The following GAS7 variants were observed in gnomAD, a reference collection of about 807,000 sequenced individuals.
The protein encoded by GAS7 is growth arrest-specific protein 7.
In GAS7, 28 loss-of-function variants were observed where a neutral mutation model predicts 71.1. The ratio of observed to expected loss-of-function variants is 0.39; its 90% CI spans 0.29 to 0.54. GAS7 has a LOEUF of 0.54. Ranked by LOEUF, GAS7 falls within the 20% of genes least tolerant of loss-of-function variation. The pLI is 0.62. For synonymous variants in GAS7, 258 were observed against 245.8 expected, an observed-to-expected ratio of 1.05 and a Z score of -0.46; for missense variants, 436 against 627.8, an observed-to-expected ratio of 0.69 and a Z score of 3.27.
At chr17:9,973,335 C>T (rs1381381199) in intron 3 of GAS7, among the ~76,000 whole-genome samples, 1 of 151,652 alleles carries the variant, frequency 6.6e-6, no homozygotes, top group Non-Finnish European at 1.5e-5. Flanking sequence ...CTCACTGCGA[C>T]CTCCGCCTCC....
intron 1 of GAS7, among the ~76,000 whole-genome samples, chr17:10,048,729 T>C (rs1202846502): frequency 6.6e-6 from 1 of 152,180 alleles, no homozygotes; most frequent in Non-Finnish European, 1.5e-5. Flanking sequence ...AAGGTTCTGT[T>C]AGAGGCATGC....
chr17:9,936,413 G>A (rs1189536928), intron 8 of GAS7, among the ~76,000 whole-genome samples: 2 of 152,150 alleles, frequency 1.3e-5, no homozygotes, highest in Non-Finnish European at 2.9e-5. Flanking sequence ...AATGGCCCAG[G>A]GACAGTCGTG....
At chr17:9,943,376 G>A (rs915478820) in intron 6 of GAS7, 140 bp from the exon 7 acceptor site, 9 of 632,726 alleles carry the variant, frequency 1.4e-5, no homozygotes, top group Non-Finnish European at 2.0e-5. Flanking sequence ...TGTCTCTGCT[G>A]CCCTAACTCG....
intron 1 of GAS7, among the ~76,000 whole-genome samples, chr17:10,194,684 G>A (rs900470135): frequency 2.6e-5 from 4 of 152,006 alleles, no homozygotes; most frequent in Non-Finnish European, 5.9e-5. Flanking sequence ...ATGTTAAAAA[G>A]ACTTCTCGGC....
At chr17:10,197,967 C>T (rs1464852008) in intron 1 of GAS7, among the ~76,000 whole-genome samples, 1 of 152,214 alleles carries the variant, frequency 6.6e-6, no homozygotes, top group African/African-American at 2.4e-5. Flanking sequence ...CCACGGTGTG[C>T]TCCGGAGGCC....
intron 1 of GAS7, among the ~76,000 whole-genome samples, chr17:10,153,228 G>A (rs1435333900): frequency 1.8e-4 from 5 of 27,876 alleles, no homozygotes; most frequent in East Asian, 1.4e-3. Context: ...AACACTGGGC[G>A]TGGTGGCTCA....
chr17:9,931,296 GCCAT>G (rs1244706301), intron 9 of GAS7, among the ~76,000 whole-genome samples: 1 of 152,178 alleles, frequency 6.6e-6, no homozygotes, highest in African/African-American at 2.4e-5. Context: ...CCTGCACACA[GCCAT>G]CCACACCACT....
chr17:10,056,597 C>T lies in GAS7; in HGVS notation c.184-36700G>A, dbSNP rs532100540. Among the ~76,000 whole-genome samples, 12 of 152,050 alleles carry T rather than the reference C, an allele frequency of 7.9e-5. No individual in the cohort carries two copies. The South Asian group carries it at 1.7e-3, about 21-fold the overall frequency. ...TAAAATATCCGTCAAATGGGCCGGGCGCAGTGGCTCACGCCTGTAATCCCA... is the reference window on the plus strand; with the variant it reads ...TAAAATATCCGTCAAATGGGCCGGGTGCAGTGGCTCACGCCTGTAATCCCA... On this transcript the variant is annotated intron_variant, in intron 1 of 13. Coordinates refer to ENST00000432992, the MANE Select transcript of GAS7 (RefSeq NM_201433.2).
chr17:10,187,629 T>C (rs2074465387), intron 1 of GAS7, among the ~76,000 whole-genome samples: 1 of 152,170 alleles, frequency 6.6e-6, no homozygotes, highest in Non-Finnish European at 1.5e-5. Flanking sequence ...TTAAATCCTA[T>C]TTGCCACAAG....
intron 1 of GAS7, among the ~76,000 whole-genome samples, chr17:10,166,732 G>T (rs1288058960): frequency 6.6e-6 from 1 of 152,166 alleles, no homozygotes; most frequent in Non-Finnish European, 1.5e-5. Flanking sequence ...ATTCTGCTTA[G>T]TCAGTGAAAA....
chr17:10,112,464 G>A (rs537795989), intron 1 of GAS7, among the ~76,000 whole-genome samples: 9 of 152,262 alleles, frequency 5.9e-5, no homozygotes, highest in Admixed American at 1.3e-4. Flanking sequence ...AGCCGGGCGC[G>A]GTGTCTCACG....
At chr17:10,153,586 G>A (rs115473114) in intron 1 of GAS7, among the ~76,000 whole-genome samples, 1,993 of 151,450 alleles carry the variant, frequency 0.013, 34 homozygotes, top group African/African-American at 0.046. Flanking sequence ...GAAGGAATCC[G>A]TAAGAAATGA....
At chr17:10,030,127 A>G (rs953602434) in intron 1 of GAS7, among the ~76,000 whole-genome samples, 3 of 152,174 alleles carry the variant, frequency 2.0e-5, no homozygotes, top group Non-Finnish European at 4.4e-5. Context: ...CTGAAGGAAC[A>G]CAACAGAGGG....
intron 1 of GAS7, among the ~76,000 whole-genome samples, chr17:10,176,181 C>T (rs764268141): frequency 1.2e-4 from 19 of 152,308 alleles, no homozygotes; most frequent in Admixed American, 5.9e-4. Flanking sequence ...TTGTCTGGGC[C>T]AAGAATTCCA....
chr17:9,918,587 C>T (rs1159835810), intron 12 of GAS7, among the ~76,000 whole-genome samples: 1 of 152,194 alleles, frequency 6.6e-6, no homozygotes, highest in African/African-American at 2.4e-5. Flanking sequence ...TGTGGGAGCT[C>T]CATGCCACAC....
chr17:10,017,240 C>T (rs568232714), intron 2 of GAS7, among the ~76,000 whole-genome samples: 147 of 152,140 alleles, frequency 9.7e-4, no homozygotes, highest in African/African-American at 3.3e-3. Context: ...GAAGCAGGGA[C>T]CAGCAGCTAT....
intron 1 of GAS7, among the ~76,000 whole-genome samples, chr17:10,181,605 G>C (rs1274481528): frequency 1.3e-5 from 2 of 152,200 alleles, no homozygotes; most frequent in African/African-American, 4.8e-5. Flanking sequence ...AGATAGACAG[G>C]GGTTGGGTCA....
chr17:10,054,001 C>T (rs796604655), intron 1 of GAS7, among the ~76,000 whole-genome samples: 4 of 152,234 alleles, frequency 2.6e-5, no homozygotes, highest in African/African-American at 9.6e-5. Context: ...TCTCACAAGC[C>T]CCCAACTGAT....
chr17:10,122,871 C>T (rs1372370630), intron 1 of GAS7, among the ~76,000 whole-genome samples: 1 of 152,040 alleles, frequency 6.6e-6, no homozygotes, highest in East Asian at 1.9e-4. Flanking sequence ...CACTTTGTCA[C>T]CCAGGTTGGA....
Sources: gnomAD v4.1 joint callset for allele counts (sites outside exome capture counted in the v4.1 genomes callset) on GRCh38, gnomAD v4.1.1 for gene constraint, MANE v1.5 for transcripts, NCBI Gene and HGNC (gene_info 2026-07-23, HGNC 2026-07-21) for gene names.